MRTFA: variants seen among roughly 807,000 people sequenced by gnomAD.
MRTFA encodes myocardin-related transcription factor A.
A neutral mutation model predicts 83.5 loss-of-function variants in MRTFA; 20 were observed. The observed-to-expected ratio is 0.24, with a 90% confidence interval of 0.17 to 0.35. The LOEUF (loss-of-function observed/expected upper bound fraction) is 0.35. Ranked by LOEUF, MRTFA falls within the 10% of genes least tolerant of loss-of-function variation. The pLI, the probability that MRTFA is intolerant of heterozygous loss-of-function variation, is 1.00. For missense variants in MRTFA, 1,200 were observed against 1,224.7 expected, an observed-to-expected ratio of 0.98 and a Z score of 0.30; for synonymous variants, 659 against 541.2, an observed-to-expected ratio of 1.22 and a Z score of -3.02.
chr22:40,469,152 C>G (rs957803294), intron 3 of MRTFA, among the ~76,000 whole-genome samples: 5 of 152,134 alleles, frequency 3.3e-5, no homozygotes, highest in Non-Finnish European at 1.5e-5. Flanking sequence ...GACAGAACAA[C>G]TAGGTAGAAA....
chr22:40,462,964 A>G (rs1423630024), intron 4 of MRTFA, among the ~76,000 whole-genome samples: 1 of 152,212 alleles, frequency 6.6e-6, no homozygotes, highest in Non-Finnish European at 1.5e-5. Flanking sequence ...GTAAAGGAAA[A>G]TTCAGTGGCA....
At chr22:40,451,990 T>G (rs1205729384) in intron 4 of MRTFA, among the ~76,000 whole-genome samples, 11 of 129,884 alleles carry the variant, frequency 8.5e-5, no homozygotes, top group Admixed American at 2.3e-4. Context: ...TTTTTTTTTT[T>G]TTTTTTTTTT....
intron 2 of MRTFA, among the ~76,000 whole-genome samples, chr22:40,584,061 T>C (rs550720973): frequency 6.6e-6 from 1 of 151,172 alleles, no homozygotes; most frequent in East Asian, 2.0e-4. Flanking sequence ...GTGTGACAGA[T>C]TAAAATTTAC....
chr22:40,430,285 C>G (rs910223383), intron 6 of MRTFA, among the ~76,000 whole-genome samples: 1 of 151,752 alleles, frequency 6.6e-6, no homozygotes, highest in Non-Finnish European at 1.5e-5. Context: ...GTCAGGAGTT[C>G]GAGACCAGCC....
At chr22:40,445,541 T>C (rs892852571) in intron 4 of MRTFA, among the ~76,000 whole-genome samples, 4 of 152,316 alleles carry the variant, frequency 2.6e-5, no homozygotes, top group Admixed American at 6.5e-5. Flanking sequence ...TTTTTTGTTT[T>C]GTTTTGTTTT....
At chr22:40,503,189 G>C (rs9611362) in intron 3 of MRTFA, among the ~76,000 whole-genome samples, 1 of 152,204 alleles carries the variant, frequency 6.6e-6, no homozygotes, top group Non-Finnish European at 1.5e-5. Context: ...AACAAGGCTA[G>C]AAATCTGTTC....
At chr22:40,417,166 T>C (rs931218979) in intron 13 of MRTFA, 120 bp from the exon 14 acceptor site, 5 of 1,377,508 alleles carry the variant, frequency 3.6e-6, no homozygotes, top group Non-Finnish European at 5.0e-6. Context: ...ACAGGACCCA[T>C]GGGCGTGCCC....
At chr22:40,461,742 T>C (rs2053717784) in intron 4 of MRTFA, among the ~76,000 whole-genome samples, 1 of 151,170 alleles carries the variant, frequency 6.6e-6, no homozygotes, top group Non-Finnish European at 1.5e-5. Flanking sequence ...GAGCTTGCAG[T>C]GAGCCCAGAT....
intron 2 of MRTFA, among the ~76,000 whole-genome samples, chr22:40,563,627 C>T (rs2055661902): frequency 6.6e-6 from 1 of 152,004 alleles, no homozygotes; most frequent in African/African-American, 2.4e-5. Context: ...CTTTGGGAAG[C>T]CAAGCGGGGA....
chr22:40,589,265 A>G (rs1203012340), intron 2 of MRTFA, among the ~76,000 whole-genome samples: 1 of 152,190 alleles, frequency 6.6e-6, no homozygotes, highest in Non-Finnish European at 1.5e-5. Flanking sequence ...ATACATGTAC[A>G]GCTTATAAAG....
chr22:40,420,538 G>C lies in MRTFA; in HGVS notation c.1220C>G (p.Pro407Arg). The C allele has an allele frequency of 6.2e-7, 1 of 1,613,392 alleles. No homozygotes were observed. Among genetic ancestry groups the C allele is most frequent in the Admixed American group, 1.7e-5 (1 of 60,014 alleles). The change falls in exon 11 of 15, where the codon CCA becomes CGA. Residue 407 changes from proline to arginine, a missense_variant. Coordinates refer to ENST00000355630, the MANE Select transcript of MRTFA (RefSeq NM_020831.6). ...ATTGGTAGTGGAGAGGCTGCGTACT[G>C]GGGGGGTCCCGCTGCTTCCCAGGGC... is the stretch of plus-strand genomic sequence containing the variant.
At chr22:40,545,637 TG>T (rs1328758487) in intron 3 of MRTFA, among the ~76,000 whole-genome samples, 6 of 151,326 alleles carry the variant, frequency 4.0e-5, no homozygotes, top group Non-Finnish European at 7.4e-5. Flanking sequence ...TTCACCATGT[TG>T]GCCAGGCTGG....
chr22:40,435,490 G>T lies in MRTFA; in HGVS notation c.363+9C>A. On this transcript the variant is annotated intron_variant, in intron 5 of 14. Transcript: ENST00000355630. ...TTGGGAGTTCTGAGGGGGAAAAAAG[G>T]TACCTTACCCTGGCCCGCTCCAAGC... 6.2e-7 allele frequency: 1 copy of T among 1,614,086 alleles called. No individual in the cohort carries two copies. The highest frequency in any genetic ancestry group is 1.1e-5 in the South Asian group (1 of 91,084).
chr22:40,569,046 T>C (rs1436888091), intron 2 of MRTFA, among the ~76,000 whole-genome samples: 1 of 151,986 alleles, frequency 6.6e-6, no homozygotes, highest in African/African-American at 2.4e-5. Context: ...AAAAAAATAA[T>C]ACAATAGGAA....
intron 3 of MRTFA, among the ~76,000 whole-genome samples, chr22:40,474,837 CTTT>C (rs1277274488): frequency 6.6e-6 from 1 of 151,920 alleles, no homozygotes; most frequent in African/African-American, 2.4e-5. Flanking sequence ...ATTCAAATGG[CTTT>C]TTTTTCTTTC....
intron 4 of MRTFA, among the ~76,000 whole-genome samples, chr22:40,462,784 G>A (rs967086071): frequency 1.3e-5 from 2 of 152,104 alleles, no homozygotes; most frequent in African/African-American, 4.8e-5. Flanking sequence ...ATAAAACTGT[G>A]GTTGATTCAA....
intron 1 of MRTFA, among the ~76,000 whole-genome samples, chr22:40,595,286 A>ATT (rs893782427): frequency 6.7e-6 from 1 of 149,810 alleles, no homozygotes; most frequent in African/African-American, 2.5e-5. Context: ...ACGTCGGGCT[A>ATT]TTTTTTTTTG....
intron 3 of MRTFA, among the ~76,000 whole-genome samples, chr22:40,493,665 A>T (rs2054305906): frequency 6.6e-6 from 1 of 152,212 alleles, no homozygotes; most frequent in African/African-American, 2.4e-5. Flanking sequence ...CCAGCAATAA[A>T]TGATTTGTCA....
intron 3 of MRTFA, among the ~76,000 whole-genome samples, chr22:40,502,552 G>A (rs993279984): frequency 2.1e-5 from 3 of 143,376 alleles, no homozygotes; most frequent in African/African-American, 5.2e-5. Context: ...GGGCGGAGAC[G>A]CTCCTCACTT....
Sources: gnomAD v4.1 joint callset for allele counts (sites outside exome capture counted in the v4.1 genomes callset) on GRCh38, gnomAD v4.1.1 for gene constraint, MANE v1.5 for transcripts, NCBI Gene and HGNC (gene_info 2026-07-23, HGNC 2026-07-21) for gene names.